SPRED1: variants seen among roughly 807,000 people sequenced by gnomAD.
SPRED1 encodes the protein sprouty related EVH1 domain containing 1, also known as sprouty-related, EVH1 domain-containing protein 1.
A neutral mutation model predicts 52.3 loss-of-function variants in SPRED1; 18 were observed. The observed-to-expected ratio is 0.34, with a 90% CI of 0.24 to 0.51. The LOEUF is 0.51. SPRED1 is among the 20% of genes least tolerant of loss of function. The pLI, the probability that SPRED1 is intolerant of heterozygous loss-of-function variation, is 0.97. For synonymous variants in SPRED1, 155 were observed against 179.7 expected, an observed-to-expected ratio of 0.86 and a Z score of 1.10; for missense variants, 485 against 551.0, an observed-to-expected ratio of 0.88 and a Z score of 1.20.
In SPRED1 at chr15:38,322,231, C is replaced by G. The variant is rs1353650192; in HGVS notation, c.208-10C>G. On this transcript the variant is annotated splice_polypyrimidine_tract_variant and intron_variant, in intron 2 of 6. Transcript: ENST00000299084. ...ATGTATATTAATTTTTGGTATTTGGCTTTTGTCAGGTGGTTTTGGAATGTA... is the reference window on the plus strand; with the variant it reads ...ATGTATATTAATTTTTGGTATTTGGGTTTTGTCAGGTGGTTTTGGAATGTA... 6.2e-7 allele frequency: 1 copy of G among 1,613,412 alleles called. No homozygotes were observed. The highest frequency in any genetic ancestry group is 8.5e-7 in the Non-Finnish European group (1 of 1,179,678).
chr15:38,334,352 G>T (rs1289655253), intron 4 of SPRED1, among the ~76,000 whole-genome samples: 1 of 151,944 alleles, frequency 6.6e-6, no homozygotes, highest in Non-Finnish European at 1.5e-5. Context: ...GAAACACAGA[G>T]GAGTAATTAG....
intron 1 of SPRED1, chr15:38,283,435 A>G (rs1291203285): frequency 1.3e-6 from 1 of 794,068 alleles, no homozygotes; most frequent in African/African-American, 1.9e-5. Flanking sequence ...GGATATGTAG[A>G]CAAGGTCAGC....
In SPRED1 at chr15:38,349,275, G is replaced by C. The variant is rs1197864849; in HGVS notation, c.583-147G>C. 4 of 608,536 alleles carry C rather than the reference G, an allele frequency of 6.6e-6. No individual in the cohort carries two copies. In the South Asian group the frequency reaches 7.2e-5, roughly 11 times the overall value. 37.7% of individuals were successfully genotyped at this position (608,536 alleles called of 1,614,324 possible). Reference sequence around the variant, plus strand: ...TATGGTTTTTGTTTGTGTTTTAGGTGGGGGGAAATGATTCTATTTTTATTC... The same window carrying C: ...TATGGTTTTTGTTTGTGTTTTAGGTCGGGGGAAATGATTCTATTTTTATTC... On this transcript the variant is annotated intron_variant, in intron 5 of 6. Coordinates refer to ENST00000299084, the MANE Select transcript of SPRED1 (RefSeq NM_152594.3).
intron 3 of SPRED1, among the ~76,000 whole-genome samples, chr15:38,324,275 AAGTC>A (rs1895664820): frequency 6.6e-6 from 1 of 152,220 alleles, no homozygotes; most frequent in African/African-American, 2.4e-5. Context: ...TGATGCAAAA[AAGTC>A]AGTAACAACA....
chr15:38,289,229 GAA>G (rs10627721), intron 1 of SPRED1, among the ~76,000 whole-genome samples: 2 of 149,512 alleles, frequency 1.3e-5, no homozygotes, highest in African/African-American at 4.9e-5. Flanking sequence ...CTTTGAAATG[GAA>G]AAAAAAAAGG....
intron 1 of SPRED1, among the ~76,000 whole-genome samples, chr15:38,275,679 G>A (rs978320557): frequency 1.3e-5 from 2 of 152,156 alleles, no homozygotes; most frequent in African/African-American, 4.8e-5. Flanking sequence ...TGTATTTTCA[G>A]TAGCGACGGG....
At chr15:38,311,260 T>C (rs1383016673) in intron 2 of SPRED1, among the ~76,000 whole-genome samples, 1 of 152,182 alleles carries the variant, frequency 6.6e-6, no homozygotes, top group Non-Finnish European at 1.5e-5. Flanking sequence ...GCCCTGTTTC[T>C]GCAATAAATC....
intron 1 of SPRED1, among the ~76,000 whole-genome samples, chr15:38,255,777 G>A (rs988422923): frequency 4.0e-5 from 6 of 150,738 alleles, no homozygotes; most frequent in African/African-American, 1.5e-4. Context: ...TTTTATTTGG[G>A]CCTTACATTT....
chr15:38,337,526 A>G (rs1010642032), intron 4 of SPRED1, among the ~76,000 whole-genome samples: 1 of 152,164 alleles, frequency 6.6e-6, no homozygotes, highest in South Asian at 2.1e-4. Context: ...ATATTGGTAA[A>G]CATTTAAAAA....
chr15:38,254,131 C>G (rs1380874349), intron 1 of SPRED1, among the ~76,000 whole-genome samples: 2 of 152,108 alleles, frequency 1.3e-5, no homozygotes, highest in African/African-American at 4.8e-5. Context: ...TAATTCCAAG[C>G]AGAATATTAG....
intron 4 of SPRED1, among the ~76,000 whole-genome samples, chr15:38,333,879 G>A (rs769881814): frequency 1.3e-5 from 2 of 152,062 alleles, no homozygotes; most frequent in African/African-American, 2.4e-5. Context: ...TTAATAAATT[G>A]TAGTGTTCTT....
At chr15:38,270,068 C>T (rs768818392) in intron 1 of SPRED1, among the ~76,000 whole-genome samples, 4 of 151,914 alleles carry the variant, frequency 2.6e-5, no homozygotes, top group South Asian at 2.1e-4. Flanking sequence ...CCACCATGCC[C>T]GGCTAATTTT....
chr15:38,324,377 A>G (rs1171818455), intron 3 of SPRED1, among the ~76,000 whole-genome samples: 1 of 152,190 alleles, frequency 6.6e-6, no homozygotes, highest in Non-Finnish European at 1.5e-5. Flanking sequence ...TGGGTACTAA[A>G]TACTGTTTCC....
rs960767883 is a variant in SPRED1, at chr15:38,355,956, A to G, written c.*4292A>G. On this transcript the variant is annotated 3_prime_UTR_variant, in exon 7 of 7. Coordinates refer to ENST00000299084, the MANE Select transcript of SPRED1 (RefSeq NM_152594.3). The stretch of plus-strand genomic sequence containing the variant: ...AAAAAAAGGCTTTAAGGTATTAGGT[A>G]CTGTTTGCCTAGCAGCCAGGTGGTT... 6.6e-6 allele frequency: 1 copy of G among 152,204 alleles called. No homozygotes were observed. The highest frequency in any genetic ancestry group is 2.4e-5 in the African/African-American group (1 of 41,472). 9.4% of individuals were successfully genotyped at this position (152,204 alleles called of 1,614,324 possible).
rs1888626608 is a variant in SPRED1, at chr15:38,356,569, AT to A, written c.*4906del. The A allele has an allele frequency of 6.6e-6, 1 of 152,132 alleles. No homozygotes were observed. The highest frequency in any genetic ancestry group is 2.1e-4 in the South Asian group (1 of 4,832). The allele number at this position is 152,132 out of a possible 1,614,324, so 9.4% of individuals were successfully genotyped here. A position where few individuals can be genotyped will look rare whatever the true frequency, so the allele number is the denominator to read the frequency against. ...ATAATTAGCTCTGTTCTTTAAAAGT[AT>A]ACTTTTAAACTGAAAGTTCACATAT... is the stretch of plus-strand genomic sequence containing the variant. On this transcript the variant is annotated 3_prime_UTR_variant, in exon 7 of 7. Coordinates refer to ENST00000299084, the MANE Select transcript of SPRED1 (RefSeq NM_152594.3).
chr15:38,317,858 A>G (rs1022291580), intron 2 of SPRED1, among the ~76,000 whole-genome samples: 3 of 148,194 alleles, frequency 2.0e-5, no homozygotes, highest in Non-Finnish European at 4.5e-5. Context: ...AGTTTGAAGT[A>G]GACAGTTGGT....
intron 4 of SPRED1, among the ~76,000 whole-genome samples, chr15:38,330,536 TTAGAG>T (rs1895786724): frequency 6.6e-6 from 1 of 152,100 alleles, no homozygotes. Context: ...GCTTGTGGAA[TTAGAG>T]TAATTTTTTT....
At chr15:38,321,696 C>T (rs1483037572) in intron 2 of SPRED1, among the ~76,000 whole-genome samples, 2 of 152,114 alleles carry the variant, frequency 1.3e-5, no homozygotes, top group African/African-American at 2.4e-5. Context: ...TGGGCTCAGA[C>T]GATTCTCCTG....
chr15:38,334,179 CATG>C (rs1895861861), intron 4 of SPRED1, among the ~76,000 whole-genome samples: 1 of 151,860 alleles, frequency 6.6e-6, no homozygotes, highest in Admixed American at 6.6e-5. Flanking sequence ...CAGAATGTCC[CATG>C]ATATCAGTCA....
Sources: gnomAD v4.1 joint callset for allele counts (sites outside exome capture counted in the v4.1 genomes callset) on GRCh38, gnomAD v4.1.1 for gene constraint, MANE v1.5 for transcripts, NCBI Gene and HGNC (gene_info 2026-07-23, HGNC 2026-07-21) for gene names.